Variants in ITGB5 observed in about 807,000 individuals in gnomAD.
ITGB5 encodes the protein integrin beta-5.
ITGB5 carries 38 observed loss-of-function variants against 84.8 expected under a neutral mutation model. That is an observed-to-expected ratio of 0.45 (90% confidence interval 0.35 to 0.59). ITGB5 has a LOEUF of 0.59. Ranked by LOEUF, ITGB5 falls within the 20% of genes least tolerant of loss-of-function variation. ITGB5 has a pLI of 0.01. For synonymous variants in ITGB5, 393 were observed against 414.4 expected, an observed-to-expected ratio of 0.95 and a Z score of 0.63; for missense variants, 905 against 1,034.5, an observed-to-expected ratio of 0.87 and a Z score of 1.72.
chr3:124,788,446 C>T lies in ITGB5; in HGVS notation c.1693+7942G>A, dbSNP rs190183957. On this transcript the variant is annotated intron_variant, in intron 10 of 14. Transcript: ENST00000296181. ...GCAGCTCTGCCTGTGTTATCATTGC[C>T]TAAGGAACATGCATTGTCCTTAGCC... Among the ~76,000 whole-genome samples the T allele has an allele frequency of 3.3e-5, 5 of 152,292 alleles. No homozygotes were observed. The East Asian group carries it at 9.6e-4, about 29-fold the overall frequency.
At chr3:124,832,433 G>A (rs886936099) in intron 5 of ITGB5, among the ~76,000 whole-genome samples, 4 of 152,208 alleles carry the variant, frequency 2.6e-5, no homozygotes, top group Non-Finnish European at 4.4e-5. Context: ...CACCTTCAAA[G>A]GAGTATGTGA....
intron 5 of ITGB5, 147 bp from the exon 6 acceptor site, chr3:124,821,621 A>C: frequency 3.6e-6 from 3 of 839,788 alleles, no homozygotes; most frequent in Non-Finnish European, 5.7e-6. Flanking sequence ...TCACAAAACC[A>C]CTGGGGAGGG....
intron 2 of ITGB5, among the ~76,000 whole-genome samples, chr3:124,865,199 G>A (rs2065368478): frequency 1.3e-5 from 2 of 152,184 alleles, no homozygotes; most frequent in African/African-American, 2.4e-5. Context: ...CAGGTACAGA[G>A]GAGCCTCAAC....
intron 3 of ITGB5, among the ~76,000 whole-genome samples, chr3:124,854,522 A>G (rs1341503385): frequency 6.6e-6 from 1 of 152,238 alleles, no homozygotes; most frequent in Non-Finnish European, 1.5e-5. Context: ...CACACATTTT[A>G]TGACGTATAG....
At chr3:124,838,572 T>A (rs1253003669) in intron 5 of ITGB5, among the ~76,000 whole-genome samples, 2 of 152,204 alleles carry the variant, frequency 1.3e-5, no homozygotes, top group Non-Finnish European at 2.9e-5. Context: ...AGCCATCTGA[T>A]ACTAATACCT....
intron 1 of ITGB5, among the ~76,000 whole-genome samples, chr3:124,873,924 T>A (rs76815146): frequency 0.036 from 5,410 of 151,976 alleles, 314 homozygotes; most frequent in African/African-American, 0.12. Flanking sequence ...AGAATTTTTT[T>A]AAAAAAATAA....
In ITGB5 at chr3:124,769,103, C is replaced by G; in HGVS notation, c.1927G>C (p.Glu643Gln). 2 of 1,613,862 alleles carry G rather than the reference C, an allele frequency of 1.2e-6. No homozygotes were observed. Among genetic ancestry groups the G allele is most frequent in the Non-Finnish European group, 1.7e-6 (2 of 1,179,940 alleles). The change falls in exon 12 of 15, where the codon GAG becomes CAG. Residue 643 changes from glutamate (E) to glutamine (Q), a missense_variant. Around this residue, in one of 3 missense-constraint regions of ITGB5, gnomAD observed 116 missense variants for 177.0 expected, o/e 0.66. Transcript: ENST00000296181. ...TTCCCAGAGTGGAGCAGCAGGCACTCGACGCAATCTCTTTGGAAAAGAGGA... is the reference window on the plus strand; with the variant it reads ...TTCCCAGAGTGGAGCAGCAGGCACTGGACGCAATCTCTTTGGAAAAGAGGA... ...DACSTKRDCV[E>Q]CLLLHSGKPD...
In ITGB5 at chr3:124,850,498, T is replaced by C. The variant is rs183555300; in HGVS notation, c.362-1940A>G. Among the ~76,000 whole-genome samples, 208 of 134,162 alleles carry C rather than the reference T, an allele frequency of 1.6e-3. 4 individuals are homozygous for C. The South Asian group carries it at 0.019, about 13-fold the overall frequency. The allele number at this position is 134,162 out of a possible 152,430, so 88.0% of individuals were successfully genotyped here. A position where few individuals can be genotyped will look rare whatever the true frequency, so the allele number is the denominator to read the frequency against. ...ACTGTTCTAGGCGCCTCAGGATTGA[T>C]GGAGTTTGAGTTGCCTATTGGTATA... On this transcript the variant is annotated intron_variant, in intron 3 of 14. Transcript: ENST00000296181.
chr3:124,854,640 G>T (rs2065198725), intron 3 of ITGB5, among the ~76,000 whole-genome samples: 2 of 152,178 alleles, frequency 1.3e-5, no homozygotes, highest in African/African-American at 4.8e-5. Flanking sequence ...ACTGTTCACG[G>T]GTATGGGACT....
chr3:124,899,883 A>AAG (rs1935184309), intron 1 of ITGB5, among the ~76,000 whole-genome samples: 1 of 148,948 alleles, frequency 6.7e-6, no homozygotes, highest in South Asian at 2.1e-4. Flanking sequence ...AAAAAAAAAA[A>AAG]GCAGCAGCAG....
chr3:124,840,230 C>A (rs962511912), intron 5 of ITGB5, among the ~76,000 whole-genome samples: 3 of 152,218 alleles, frequency 2.0e-5, no homozygotes, highest in Admixed American at 1.3e-4. Flanking sequence ...GCTCTCTAGA[C>A]TGAGTTCTAG....
At chr3:124,773,508 C>A (rs1344998790) in intron 11 of ITGB5, among the ~76,000 whole-genome samples, 182 bp downstream of exon 11, 1 of 152,172 alleles carries the variant, frequency 6.6e-6, no homozygotes, top group East Asian at 1.9e-4. Context: ...CCTTATGGAA[C>A]CAGCATTTGA....
chr3:124,795,254 G>A (rs1324623454), intron 10 of ITGB5, among the ~76,000 whole-genome samples: 2 of 127,172 alleles, frequency 1.6e-5, no homozygotes, highest in Non-Finnish European at 3.1e-5. Flanking sequence ...TACTTTGGGA[G>A]GCTGTGGATG....
chr3:124,863,211 G>A (rs1459817695), intron 2 of ITGB5: 1 of 152,186 alleles, frequency 6.6e-6, no homozygotes, highest in East Asian at 1.9e-4. Context: ...TAGGGACTCA[G>A]AGCCACTAGC....
intron 2 of ITGB5, among the ~76,000 whole-genome samples, chr3:124,865,368 T>C (rs2065370839): frequency 6.6e-6 from 1 of 151,890 alleles, no homozygotes; most frequent in South Asian, 2.1e-4. Context: ...GAGGTTCCTG[T>C]ACACAAACAA....
intron 10 of ITGB5, chr3:124,781,095 A>C (rs1253631242): frequency 6.6e-6 from 1 of 152,302 alleles, no homozygotes; most frequent in Admixed American, 6.5e-5. Flanking sequence ...TGAGATTACA[A>C]AGTGCGGAAT....
intron 4 of ITGB5, among the ~76,000 whole-genome samples, chr3:124,844,984 A>G (rs2065058415): frequency 6.6e-6 from 1 of 152,252 alleles, no homozygotes; most frequent in South Asian, 2.1e-4. Context: ...ACTGCTCTGC[A>G]GGGATGCCCC....
At chr3:124,819,386 A>T (rs1278628998) in intron 7 of ITGB5, among the ~76,000 whole-genome samples, 1 of 152,238 alleles carries the variant, frequency 6.6e-6, no homozygotes, top group East Asian at 1.9e-4. Context: ...TTAGTGACGT[A>T]GCCTGATGAG....
intron 4 of ITGB5, among the ~76,000 whole-genome samples, chr3:124,842,551 G>A (rs1372894201): frequency 5.3e-5 from 8 of 151,954 alleles, no homozygotes; most frequent in African/African-American, 7.3e-5. Flanking sequence ...GAGGGAGGTC[G>A]GGGGGCTGTG....
Sources: allele counts gnomAD v4.1 joint callset (sites outside exome capture counted in the v4.1 genomes callset), GRCh38; gene constraint gnomAD v4.1.1; regional missense constraint gnomAD v4.1.1; transcripts MANE v1.5; gene names NCBI Gene and HGNC (gene_info 2026-07-23, HGNC 2026-07-21).